DMTF1: variants seen among roughly 807,000 people sequenced by gnomAD.
DMTF1 encodes the protein cyclin D binding myb like transcription factor 1, also known as cyclin-D-binding Myb-like transcription factor 1.
Under a neutral mutation model 91.1 loss-of-function variants are expected in DMTF1, and 39 were observed. That is an observed-to-expected ratio of 0.43 (90% CI 0.33 to 0.56). The LOEUF is 0.56. Among genes scored for constraint, DMTF1 ranks in the 20% least tolerant of loss-of-function variants. DMTF1 has a pLI of 0.05. For synonymous variants in DMTF1, 338 were observed against 309.5 expected (o/e 1.09, Z -0.97); for missense variants, 750 against 914.5 (o/e 0.82, Z 2.32).
At chr7:87,187,740 AAAT>A (rs1798781104) in intron 12 of DMTF1, 1 of 247,706 alleles carries the variant, frequency 4.0e-6, no homozygotes, top group Non-Finnish European at 7.8e-6. Context: ...TAAAAAATGA[AAAT>A]AAGCTGTTTA....
At chr7:87,155,342 A>G (rs1790395362) in intron 1 of DMTF1, 1 of 152,164 alleles carries the variant, frequency 6.6e-6, no homozygotes, top group Non-Finnish European at 1.5e-5. Flanking sequence ...TGCCTTTCCA[A>G]AATGGAGTTT....
In DMTF1 at chr7:87,185,830, A is replaced by T; in HGVS notation, c.1051A>T (p.Ile351Leu). Residue 351 changes from isoleucine (I) to leucine (L), a missense_variant and splice_region_variant, in exon 12 of 18, where the codon ATA becomes TTA. Transcript: ENST00000331242. The stretch of plus-strand genomic sequence containing the variant: ...ACGATGCTTATTTTGTAACTGTAGG[A>T]TAGCAGAACTTGATGTAGCTGATGA... ...KEDEINLILR[I>L]AELDVADEND... 1 of 1,613,810 alleles carries T rather than the reference A, an allele frequency of 6.2e-7. No individual in the cohort carries two copies. Among genetic ancestry groups the T allele is most frequent in the South Asian group, 1.1e-5 (1 of 91,070 alleles).
chr7:87,170,864 G>A (rs973044), intron 4 of DMTF1, 131 bp from the exon 5 acceptor site: 20,233 of 651,752 alleles, frequency 0.031, 411 homozygotes, highest in East Asian at 0.057. Context: ...ATGAATGTAT[G>A]TATGTGAAGA....
In DMTF1 at chr7:87,188,106, C is replaced by G. The variant is rs770093156; in HGVS notation, c.1216C>G (p.Leu406Val). The change falls in exon 13 of 18, where the codon CTT (leucine) becomes GTT (valine). Residue 406 changes from leucine to valine, a missense_variant. Physicochemically the swap from Leu to Val is conservative, Grantham distance 32. Coordinates refer to ENST00000331242, the MANE Select transcript of DMTF1 (RefSeq NM_001142327.2). ...TCTCCCTTCAGTCTTAATAAAAGGT[C>G]TTAAACAGTTACATGAGAACCAAAA... The part of the protein sequence containing the change: ...DVSFPVLIKG[L>V]KQLHENQKNN... The G allele has an allele frequency of 1.9e-6, 3 of 1,613,582 alleles. No individual in the cohort carries two copies. In the South Asian group the frequency reaches 3.3e-5, roughly 18 times the overall value.
At position 87,159,144 on chromosome 7, in the gene DMTF1, A is replaced by G. The variant is rs182553463; in HGVS notation, c.-131-4351A>G. Among the ~76,000 whole-genome samples the G allele has an allele frequency of 1.7e-3, 262 of 152,298 alleles. 4 individuals carry two copies. Among genetic ancestry groups the G allele is most frequent in the African/African-American group, 5.6e-3 (232 of 41,586 alleles). Reference sequence around the variant, plus strand: ...GAATAATTCAAAATTAAAGTTTTTAATGGAAATGTCAGTAAGGCATATAAC... The same window carrying G: ...GAATAATTCAAAATTAAAGTTTTTAGTGGAAATGTCAGTAAGGCATATAAC... On this transcript the variant is annotated intron_variant, in intron 1 of 17. Transcript: ENST00000331242.
At chr7:87,174,067 A>G (rs1355524408) in intron 6 of DMTF1, among the ~76,000 whole-genome samples, 1 of 151,934 alleles carries the variant, frequency 6.6e-6, no homozygotes, top group Non-Finnish European at 1.5e-5. Flanking sequence ...GGAAGGTGCT[A>G]CAAAAAAGTG....
At chr7:87,158,054 T>A (rs1791236264) in intron 1 of DMTF1, among the ~76,000 whole-genome samples, 1 of 152,082 alleles carries the variant, frequency 6.6e-6, no homozygotes, top group Non-Finnish European at 1.5e-5. Context: ...AATAACAATC[T>A]AAGTAGTCAT....
intron 1 of DMTF1, among the ~76,000 whole-genome samples, chr7:87,159,648 A>G (rs1030309766): frequency 3.3e-5 from 5 of 152,236 alleles, no homozygotes; most frequent in Non-Finnish European, 7.3e-5. Flanking sequence ...GTGTAAAAAT[A>G]GTACATATGG....
At chr7:87,192,544 A>C (rs1223627808) in intron 14 of DMTF1, 1 of 152,160 alleles carries the variant, frequency 6.6e-6, no homozygotes, top group Admixed American at 6.6e-5. Flanking sequence ...AGGCTACATG[A>C]TTTTAACTCC....
Position 87,179,575 on chromosome 7 carries a change from A to C in DMTF1, c.550A>C (p.Ile184Leu). 1 of 1,552,044 alleles carries C rather than the reference A, an allele frequency of 6.4e-7. No individual in the cohort carries two copies. The highest frequency in any genetic ancestry group is 8.6e-7 in the Non-Finnish European group (1 of 1,160,164). The part of the protein sequence containing the change: ...ARGIKDATEI[I>L]FEMSKDERKD... ...CGGAATAAAAGATGCTACAGAAATC[A>C]TCTTTGAGATGTCAAAAGACGAAAG... Residue 184 changes from isoleucine to leucine, a missense_variant, in exon 8 of 18, where the codon ATC becomes CTC. Ile to Leu is a conservative substitution (Grantham distance 5). Coordinates refer to ENST00000331242, the MANE Select transcript of DMTF1 (RefSeq NM_001142327.2).
intron 1 of DMTF1, among the ~76,000 whole-genome samples, chr7:87,157,189 CTG>C (rs1250894811): frequency 6.6e-6 from 1 of 152,112 alleles, no homozygotes; most frequent in East Asian, 1.9e-4. Flanking sequence ...GTTTCTCAGC[CTG>C]TGTTTCTCAG....
intron 6 of DMTF1, among the ~76,000 whole-genome samples, chr7:87,174,307 C>A (rs1795764703): frequency 1.3e-5 from 2 of 151,780 alleles, no homozygotes; most frequent in Admixed American, 6.6e-5. Flanking sequence ...TTATAAGTTT[C>A]TTTTTAGCTG....
Position 87,193,853 on chromosome 7 carries a change from T to A in DMTF1, c.1779T>A (p.Ser593Arg). 6.2e-7 allele frequency: 1 copy of A among 1,613,314 alleles called. No homozygotes were observed. The highest frequency in any genetic ancestry group is 8.5e-7 in the Non-Finnish European group (1 of 1,179,568). Residue 593 changes from serine (S) to arginine (R), a missense_variant, in exon 16 of 18, where the codon AGT becomes AGA. Transcript: ENST00000331242. ...SISQAELTVD[S>R]DIQSSDFPEP... ...CCCAAGCAGAACTGACAGTCGATAG[T>A]GATATTCAGTCATCTGATTTTCCTG...
intron 1 of DMTF1, among the ~76,000 whole-genome samples, chr7:87,162,327 C>T (rs1370586904): frequency 6.6e-6 from 1 of 152,122 alleles, no homozygotes; most frequent in Non-Finnish European, 1.5e-5. Context: ...TCCCAAAGTG[C>T]TGGGATTATA....
At chr7:87,194,983 T>A in intron 17 of DMTF1, 48 bp from the exon 18 acceptor site, 1 of 1,518,698 alleles carries the variant, frequency 6.6e-7, no homozygotes, top group Non-Finnish European at 9.1e-7. Flanking sequence ...TTGACATGGA[T>A]TAGAGAATAA....
chr7:87,176,931 G>A (rs1030360896), intron 7 of DMTF1, among the ~76,000 whole-genome samples: 1 of 152,114 alleles, frequency 6.6e-6, no homozygotes, highest in Non-Finnish European at 1.5e-5. Flanking sequence ...AAAAGGGCAA[G>A]GAGTGTGGAG....
intron 4 of DMTF1, 44 bp downstream of exon 4, chr7:87,166,649 T>C (rs759948066): frequency 3.8e-6 from 6 of 1,594,342 alleles, no homozygotes; most frequent in Non-Finnish European, 5.1e-6. Context: ...CCTTTTAAAA[T>C]CAAAGTTTAG....
intron 13 of DMTF1, among the ~76,000 whole-genome samples, chr7:87,188,668 A>C (rs1339519547): frequency 1.3e-5 from 2 of 152,156 alleles, no homozygotes; most frequent in Admixed American, 1.3e-4. Flanking sequence ...GTCGTGTAGT[A>C]ATTTCACTAG....
intron 7 of DMTF1, 129 bp from the exon 8 acceptor site, chr7:87,179,416 G>A: frequency 1.6e-6 from 1 of 629,778 alleles, no homozygotes; most frequent in Non-Finnish European, 2.3e-6. Context: ...ATTTATTAAT[G>A]AATTAGTGAT....
Sources: allele counts gnomAD v4.1 joint callset (sites outside exome capture counted in the v4.1 genomes callset), GRCh38; gene constraint gnomAD v4.1.1; transcripts MANE v1.5; gene names NCBI Gene and HGNC (gene_info 2026-07-23, HGNC 2026-07-21).